The following CEP43 variants were observed in gnomAD, a reference collection of about 807,000 sequenced individuals.
CEP43 encodes the protein centrosomal protein 43, also known as FGFR1 oncogene partner.
A neutral mutation model predicts 52.6 loss-of-function variants in CEP43; 36 were observed. The ratio of observed to expected loss-of-function variants is 0.68; its 90% CI spans 0.52 to 0.90. The LOEUF (loss-of-function observed/expected upper bound fraction) is 0.90, where lower values mean the gene tolerates loss of function less well. CEP43 is among the 40% of genes least tolerant of loss of function. CEP43 has a pLI of 0.00. For synonymous variants in CEP43, 192 were observed against 172.4 expected, an observed-to-expected ratio of 1.11 and a Z score of -0.89; for missense variants, 506 against 472.8, an observed-to-expected ratio of 1.07 and a Z score of -0.65.
chr6:167,041,796 CT>C lies in CEP43; in HGVS notation c.*1824del. 2.7e-6 allele frequency: 2 copies of C among 728,078 alleles called. No individual in the cohort carries two copies. The highest frequency in any genetic ancestry group is 3.2e-6 in the Non-Finnish European group (2 of 622,090). The allele number at this position is 728,078 out of a possible 1,614,324, so 45.1% of individuals were successfully genotyped here. A position where few individuals can be genotyped will look rare whatever the true frequency, so the allele number is the denominator to read the frequency against. On this transcript the variant is annotated 3_prime_UTR_variant, in exon 13 of 13. Coordinates refer to ENST00000366847, the MANE Select transcript of CEP43 (RefSeq NM_007045.4). The stretch of plus-strand genomic sequence containing the variant: ...TAAAAGAAATATGCCAAATATGAAA[CT>C]TTTTTGTCAGCACTACATACATCTT...
chr6:167,036,984 G>T (rs139363028), intron 12 of CEP43, among the ~76,000 whole-genome samples: 2 of 152,054 alleles, frequency 1.3e-5, no homozygotes, highest in East Asian at 3.9e-4. Flanking sequence ...TTTGTATTTT[G>T]AGTAGAGATG....
chr6:167,020,525 C>T (rs1199886147), intron 7 of CEP43, among the ~76,000 whole-genome samples: 2 of 152,210 alleles, frequency 1.3e-5, no homozygotes, highest in African/African-American at 2.4e-5. Flanking sequence ...AGCCATCCAT[C>T]CCTTCCTAGA....
At chr6:167,029,476 C>G (rs1780422038) in intron 10 of CEP43, among the ~76,000 whole-genome samples, 1 of 152,226 alleles carries the variant, frequency 6.6e-6, no homozygotes, top group Admixed American at 6.5e-5. Flanking sequence ...CCGAAATGCT[C>G]CAATGAGCAG....
rs1780761882 is a variant in CEP43, at chr6:167,044,487, ATTGG to A, written c.*4510_*4513del. The A allele has an allele frequency of 2.0e-6, 2 of 985,302 alleles. No individual in the cohort carries two copies. Among genetic ancestry groups the A allele is most frequent in the Admixed American group, 6.2e-5 (1 of 16,260 alleles). The allele number at this position is 985,302 out of a possible 1,614,324, so 61.0% of individuals were successfully genotyped here. On this transcript the variant is annotated 3_prime_UTR_variant, in exon 13 of 13. Coordinates refer to ENST00000366847, the MANE Select transcript of CEP43 (RefSeq NM_007045.4). ...GACAAAGTTTCCCCGAGGAAGTCAG[ATTGG>A]AAAAGTGTCCTCAGGTTCAAGGAAA...
intron 6 of CEP43, among the ~76,000 whole-genome samples, chr6:167,012,101 G>A (rs1398802294): frequency 6.6e-6 from 1 of 152,164 alleles, no homozygotes; most frequent in Non-Finnish European, 1.5e-5. Context: ...AGATACAGTT[G>A]CATCTTTTTA....
intron 12 of CEP43, chr6:167,036,426 C>T (rs949631732): frequency 2.0e-6 from 2 of 985,190 alleles, no homozygotes; most frequent in Non-Finnish European, 2.4e-6. Flanking sequence ...AGCAGAGGCC[C>T]TGGGGAGGGT....
chr6:167,039,321 G>T (rs1037479018), intron 12 of CEP43, among the ~76,000 whole-genome samples: 2 of 152,142 alleles, frequency 1.3e-5, no homozygotes, highest in Non-Finnish European at 2.9e-5. Context: ...TAGAGACAGG[G>T]TTTCACCATG....
intron 7 of CEP43, among the ~76,000 whole-genome samples, chr6:167,015,263 C>G (rs1213713674): frequency 1.3e-5 from 2 of 152,184 alleles, no homozygotes; most frequent in African/African-American, 4.8e-5. Context: ...AAACCTTTTT[C>G]CCTGTACATT....
At chr6:167,027,994 G>T in intron 10 of CEP43, 1 of 985,942 alleles carries the variant, frequency 1.0e-6, no homozygotes, top group Non-Finnish European at 1.2e-6. Flanking sequence ...GGCCAGCTAG[G>T]TGGGCCTGCC....
chr6:167,022,295 CAA>C (rs397688309), intron 7 of CEP43, 112 bp from the exon 8 acceptor site: 38 of 674,406 alleles, frequency 5.6e-5, no homozygotes, highest in Non-Finnish European at 8.9e-5. Context: ...CACACACACA[CAA>C]AGGTTGCACA....
chr6:167,050,774 C>CGAAAAAA lies in CEP43; in HGVS notation c.*10796_*10797insGAAAAAA, dbSNP rs199893388. ...CCAGTCTGGGTGACAGAGTGAGACTCAAAAAAGAAAAAAAAAAAAAAAAAA... is the reference window on the plus strand; with the variant it reads ...CCAGTCTGGGTGACAGAGTGAGACTCGAAAAAAAAAAAAGAAAAAAAAAAAAAAAAAA... On this transcript the variant is annotated 3_prime_UTR_variant, in exon 13 of 13. Coordinates refer to ENST00000366847, the MANE Select transcript of CEP43 (RefSeq NM_007045.4). The CGAAAAAA allele has an allele frequency of 4.9e-5, 2 of 41,166 alleles. No homozygotes were observed. The highest frequency in any genetic ancestry group is 2.2e-4 in the African/African-American group (2 of 9,074). 2.6% of individuals were successfully genotyped at this position (41,166 alleles called of 1,614,324 possible).
Position 167,033,944 on chromosome 6 carries a change from A to G in CEP43, c.1098A>G (p.Glu366=). The G allele has an allele frequency of 6.3e-7, 1 of 1,584,472 alleles. No individual in the cohort carries two copies. Among genetic ancestry groups the G allele is most frequent in the Non-Finnish European group, 8.6e-7 (1 of 1,156,490 alleles). The change falls in exon 12 of 13, where the codon GAA becomes GAG. Residue 366 remains glutamate, a synonymous_variant. Transcript: ENST00000366847. ...AGATAGAAGAAGACCTTTCTGTGGA[A>G]ATAGATGACATCAATACCAGTGATA... is the stretch of plus-strand genomic sequence containing the variant. ...GEEIEEDLSV[E]IDDINTSDKL...
Position 167,022,565 on chromosome 6 carries a change from G to T in CEP43, c.736G>T (p.Asp246Tyr). The T allele has an allele frequency of 6.2e-7, 1 of 1,614,108 alleles. No homozygotes were observed. Among genetic ancestry groups the T allele is most frequent in the Non-Finnish European group, 8.5e-7 (1 of 1,180,006 alleles). Reference protein sequence around the residue: ...DGKDKAGLCPDEDDMEGDSFF... With the variant: ...DGKDKAGLCPYEDDMEGDSFF... ...CAAAGACAAAGCTGGCCTTTGTCCA[G>T]ATGAAGATGATATGGAAGGAGATTC... The change falls in exon 8 of 13, where the codon GAT (aspartate) becomes TAT (tyrosine). Residue 246 changes from aspartate (D) to tyrosine (Y), a missense_variant. Coordinates refer to ENST00000366847, the MANE Select transcript of CEP43 (RefSeq NM_007045.4).
chr6:167,006,521 AAAAAAG>A (rs1265348821), intron 5 of CEP43, among the ~76,000 whole-genome samples: 10 of 152,364 alleles, frequency 6.6e-5, no homozygotes, highest in South Asian at 2.1e-4. Context: ...AAAAAAAAGA[AAAAAAG>A]AAAATATTTG....
intron 12 of CEP43, among the ~76,000 whole-genome samples, chr6:167,035,592 A>C (rs1474948116): frequency 6.7e-6 from 1 of 149,598 alleles, no homozygotes; most frequent in East Asian, 2.0e-4. Context: ...TTTTAGACAG[A>C]GTCTTGCTCT....
In CEP43 at chr6:167,003,805, T is replaced by G. The variant is rs1428018102; in HGVS notation, c.294T>G (p.Thr98=). ...DFTLAVFQPE[T]STLQGLEGRE... ...CTTTGGCTGTTTTTCAACCTGAAAC[T>G]AGCACAGTAAGAATAATGATTTTTA... Residue 98 remains threonine (T), a synonymous_variant, in exon 4 of 13, where the codon ACT becomes ACG. Coordinates refer to ENST00000366847, the MANE Select transcript of CEP43 (RefSeq NM_007045.4). The G allele has an allele frequency of 1.3e-6, 2 of 1,584,618 alleles. No homozygotes were observed. The highest frequency in any genetic ancestry group is 1.7e-6 in the Non-Finnish European group (2 of 1,154,648).
In CEP43 at chr6:167,039,954, G is replaced by A. The variant is rs541742769; in HGVS notation, c.1176G>A (p.Ala392=). The change falls in exon 13 of 13, where the codon GCG becomes GCA. Residue 392 remains alanine (A), a synonymous_variant. Coordinates refer to ENST00000366847, the MANE Select transcript of CEP43 (RefSeq NM_007045.4). ...DLTVSQLSDV[A]DYLEDVA is the part of the protein sequence containing the mutation. ...CTGTATCCCAGCTCAGTGATGTTGCGGATTATCTGGAAGATGTTGCATAGA... is the reference window on the plus strand; with the variant it reads ...CTGTATCCCAGCTCAGTGATGTTGCAGATTATCTGGAAGATGTTGCATAGA... 137 of 1,613,662 alleles carry A rather than the reference G, an allele frequency of 8.5e-5. 1 individual carries two copies. In the South Asian group the frequency reaches 1.2e-3, roughly 14 times the overall value.
In CEP43 at chr6:167,041,496, G is replaced by A. The variant is rs545697104; in HGVS notation, c.*1518G>A. ...CACGTGCAGATGTAATCTTGTTGCA[G>A]TCCCCCAGTGTGGTTGTTATAAAAT... On this transcript the variant is annotated 3_prime_UTR_variant, in exon 13 of 13. Transcript: ENST00000366847. The A allele has an allele frequency of 9.5e-7, 1 of 1,056,648 alleles. No individual in the cohort carries two copies. Among genetic ancestry groups the A allele is most frequent in the East Asian group, 5.3e-5 (1 of 19,032 alleles). 65.5% of individuals were successfully genotyped at this position (1,056,648 alleles called of 1,614,324 possible).
intron 2 of CEP43, among the ~76,000 whole-genome samples, 186 bp downstream of exon 2, chr6:167,000,299 G>A (rs576454065): frequency 1.9e-4 from 29 of 152,096 alleles, no homozygotes; most frequent in Admixed American, 5.9e-4. Context: ...TGAATTTGGG[G>A]GTAATCTTAA....
Sources: gnomAD v4.1 joint callset for allele counts (sites outside exome capture counted in the v4.1 genomes callset) on GRCh38, gnomAD v4.1.1 for gene constraint, MANE v1.5 for transcripts, NCBI Gene and HGNC (gene_info 2026-07-23, HGNC 2026-07-21) for gene names.